The following NEXMIF variants were observed in gnomAD, a reference collection of about 807,000 sequenced individuals.
The protein encoded by NEXMIF is neurite extension and migration factor.
In NEXMIF, 8 loss-of-function variants were observed where a neutral mutation model predicts 62.1. The ratio of observed to expected loss-of-function variants is 0.13; its 90% CI spans 0.08 to 0.23. The LOEUF is 0.23. Among genes scored for constraint, NEXMIF ranks in the 10% least tolerant of loss-of-function variants. The probability of loss-of-function intolerance (pLI) is 1.00; values close to 1 mark genes in which losing one functional copy is unlikely to be tolerated. For synonymous variants in NEXMIF, 404 were observed against 416.6 expected (o/e 0.97, Z 0.37); for missense variants, 976 against 1,113.3 (o/e 0.88, Z 1.75).
chrX:74,839,761 T>C (rs1330027899), intron 1 of NEXMIF, among the ~76,000 whole-genome samples: 1 of 112,713 alleles, frequency 8.9e-6, no homozygotes, highest in Non-Finnish European at 1.9e-5. Context: ...TTTTTATTTC[T>C]GCATGGTATT....
At chrX:74,869,797 G>A (rs1228451059) in intron 1 of NEXMIF, among the ~76,000 whole-genome samples, 2 of 111,187 alleles carry the variant, frequency 1.8e-5, no homozygotes, top group Admixed American at 9.6e-5. Context: ...ACTATACAAC[G>A]TTGATGCAAA....
chrX:74,759,907 T>C (rs1419513595), intron 1 of NEXMIF, among the ~76,000 whole-genome samples: 1 of 111,877 alleles, frequency 8.9e-6, no homozygotes, highest in Non-Finnish European at 1.9e-5. Flanking sequence ...TTTAAAATAG[T>C]TTTTTCTAGT....
At chrX:74,861,310 G>A (rs889700898) in intron 1 of NEXMIF, among the ~76,000 whole-genome samples, 1 of 111,609 alleles carries the variant, frequency 9.0e-6, no homozygotes, top group Non-Finnish European at 1.9e-5. Context: ...GAATAACAAG[G>A]AATGAACAAA....
rs750858815 is a variant in NEXMIF at position 74,884,494 on chromosome X, T to A, written c.-48+40389A>T. Among the ~76,000 whole-genome samples the A allele has an allele frequency of 1.7e-3, 190 of 111,389 alleles. 1 individual carries two copies. The Middle Eastern group carries it at 0.018, about 11-fold the overall frequency. Reference sequence around the variant, plus strand: ...AAACAAAAAAAGGCAGGGGTTGCAATCCTAGTCTCTGATAAAACAAACTTT... The same window carrying A: ...AAACAAAAAAAGGCAGGGGTTGCAAACCTAGTCTCTGATAAAACAAACTTT... On this transcript the variant is annotated intron_variant, in intron 1 of 3. Transcript: ENST00000055682.
chrX:74,774,847 C>T (rs2080224086), intron 1 of NEXMIF, among the ~76,000 whole-genome samples: 2 of 111,456 alleles, frequency 1.8e-5, no homozygotes, highest in Admixed American at 9.6e-5. Context: ...TATCTCCTAA[C>T]ATCTGCCATT....
chrX:74,787,104 C>CAAA (rs766388500), intron 1 of NEXMIF, among the ~76,000 whole-genome samples: 5 of 31,761 alleles, frequency 1.6e-4, no homozygotes, highest in South Asian at 1.6e-3. Flanking sequence ...ACCAAAAATA[C>CAAA]AAAAAAAAAA....
intron 1 of NEXMIF, among the ~76,000 whole-genome samples, chrX:74,779,267 ATTG>A (rs1460139713): frequency 9.0e-6 from 1 of 111,276 alleles, no homozygotes; most frequent in African/African-American, 3.3e-5. Context: ...CAGTGTTCTT[ATTG>A]TTCTCTTTTC....
intron 1 of NEXMIF, among the ~76,000 whole-genome samples, chrX:74,924,527 C>T (rs1025606230): frequency 5.3e-5 from 6 of 113,284 alleles, no homozygotes; most frequent in African/African-American, 1.9e-4. Flanking sequence ...CCAGGCTCTA[C>T]CCTGCACCAG....
intron 1 of NEXMIF, among the ~76,000 whole-genome samples, chrX:74,908,931 T>C (rs936001891): frequency 1.8e-5 from 2 of 111,801 alleles, no homozygotes; most frequent in Non-Finnish European, 3.8e-5. Context: ...TCTCCCTCAT[T>C]TTCTCTTGCC....
chrX:74,756,043 T>C (rs1398866462), intron 1 of NEXMIF, among the ~76,000 whole-genome samples: 1 of 110,537 alleles, frequency 9.0e-6, no homozygotes, highest in African/African-American at 3.3e-5. Flanking sequence ...ACCCGACTAA[T>C]TTTTGTATTT....
At chrX:74,748,044 C>G (rs922691365) in intron 1 of NEXMIF, among the ~76,000 whole-genome samples, 9 of 112,105 alleles carry the variant, frequency 8.0e-5, no homozygotes, top group Non-Finnish European at 1.3e-4. Flanking sequence ...TCTGGCCAAG[C>G]ACCCAAGATT....
intron 1 of NEXMIF, among the ~76,000 whole-genome samples, chrX:74,916,711 T>C (rs2080808429): frequency 9.0e-6 from 1 of 111,521 alleles, no homozygotes; most frequent in African/African-American, 3.3e-5. Flanking sequence ...AATTACTCAG[T>C]TTCAGGCATT....
intron 1 of NEXMIF, among the ~76,000 whole-genome samples, chrX:74,865,261 G>A (rs1193541450): frequency 9.0e-6 from 1 of 111,693 alleles, no homozygotes; most frequent in Non-Finnish European, 1.9e-5. Flanking sequence ...GATCCAGACT[G>A]AGGTGGTCTT....
chrX:74,915,749 A>C (rs2080804271), intron 1 of NEXMIF, among the ~76,000 whole-genome samples: 2 of 111,168 alleles, frequency 1.8e-5, no homozygotes, highest in Non-Finnish European at 3.8e-5. Context: ...GTGAGGAAAC[A>C]ATCTCCCATC....
intron 1 of NEXMIF, among the ~76,000 whole-genome samples, chrX:74,876,193 T>C (rs1229610087): frequency 9.0e-6 from 1 of 111,380 alleles, no homozygotes; most frequent in Admixed American, 9.6e-5. Context: ...ATGTTGTGTC[T>C]TTGTTCTCGT....
At chrX:74,766,959 G>T (rs1366107021) in intron 1 of NEXMIF, among the ~76,000 whole-genome samples, 1 of 112,040 alleles carries the variant, frequency 8.9e-6, no homozygotes, top group Admixed American at 9.5e-5. Context: ...AGTGAGAAGT[G>T]AGGACTGCGA....
chrX:74,911,706 G>A (rs1457641346), intron 1 of NEXMIF, among the ~76,000 whole-genome samples: 2 of 112,511 alleles, frequency 1.8e-5, no homozygotes, highest in Non-Finnish European at 3.7e-5. Context: ...CGACATAGAT[G>A]TGAAAAATCC....
chrX:74,892,876 G>A (rs964289845), intron 1 of NEXMIF, among the ~76,000 whole-genome samples: 2 of 112,009 alleles, frequency 1.8e-5, no homozygotes, highest in African/African-American at 6.5e-5. Flanking sequence ...TTCTTTCTAC[G>A]AATTAGAGTA....
intron 1 of NEXMIF, among the ~76,000 whole-genome samples, chrX:74,796,655 T>C (rs2080312968): frequency 9.0e-6 from 1 of 110,715 alleles, no homozygotes; most frequent in Non-Finnish European, 1.9e-5. Context: ...TAATTCCTAA[T>C]GGCTAAAGCA....
Sources: allele counts gnomAD v4.1 joint callset (sites outside exome capture counted in the v4.1 genomes callset), GRCh38; gene constraint gnomAD v4.1.1; transcripts MANE v1.5; gene names NCBI Gene and HGNC (gene_info 2026-07-23, HGNC 2026-07-21).